GMEB1: variants seen among roughly 807,000 people sequenced by gnomAD.
The protein encoded by GMEB1 is glucocorticoid modulatory element binding protein 1, also known as glucocorticoid modulatory element-binding protein 1.
A neutral mutation model predicts 52.4 loss-of-function variants in GMEB1; 6 were observed. That is an observed-to-expected ratio of 0.11 (90% confidence interval 0.06 to 0.23). The LOEUF (loss-of-function observed/expected upper bound fraction) is 0.23. Ranked by LOEUF, GMEB1 falls within the 10% of genes least tolerant of loss-of-function variation. The pLI is 1.00. For synonymous variants in GMEB1, 255 were observed against 244.9 expected, an observed-to-expected ratio of 1.04 and a Z score of -0.38; for missense variants, 486 against 685.6, an observed-to-expected ratio of 0.71 and a Z score of 3.25.
chr1:28,714,717 A>G lies in GMEB1; in HGVS notation c.1636A>G (p.Met546Val). 2.5e-6 allele frequency: 4 copies of G among 1,614,180 alleles called. No individual in the cohort carries two copies. The highest frequency in any genetic ancestry group is 3.4e-6 in the Non-Finnish European group (4 of 1,180,016). The change falls in exon 10 of 10, where the codon ATG (methionine) becomes GTG (valine). Residue 546 changes from methionine (M) to valine (V), a missense_variant. Met to Val is a conservative substitution (Grantham distance 21). Coordinates refer to ENST00000373816, the MANE Select transcript of GMEB1 (RefSeq NM_001319674.2). ...GACTGAGGAGAAAGTTGTGGCTGAG[A>G]TGGAAGAACACCAGCATCAAGTTCA... The part of the protein sequence containing the change: ...LRTEEKVVAE[M>V]EEHQHQVHNV...
intron 1 of GMEB1, among the ~76,000 whole-genome samples, chr1:28,680,230 A>G (rs975748404): frequency 6.6e-6 from 1 of 152,164 alleles, no homozygotes; most frequent in Non-Finnish European, 1.5e-5. Flanking sequence ...TTAAATAAAT[A>G]CATATAAAAA....
intron 2 of GMEB1, among the ~76,000 whole-genome samples, chr1:28,684,336 C>T (rs1669531072): frequency 1.3e-5 from 2 of 151,792 alleles, no homozygotes; most frequent in East Asian, 1.9e-4. Flanking sequence ...GGCCGAGGCG[C>T]GTGGATCATG....
chr1:28,678,119 G>A (rs1669236297), intron 1 of GMEB1, among the ~76,000 whole-genome samples: 1 of 151,640 alleles, frequency 6.6e-6, no homozygotes, highest in South Asian at 2.1e-4. Flanking sequence ...GAGAGGTGGA[G>A]GTTGCAGTGA....
At chr1:28,694,567 A>G (rs1670111845) in intron 5 of GMEB1, among the ~76,000 whole-genome samples, 1 of 151,522 alleles carries the variant, frequency 6.6e-6, no homozygotes, top group African/African-American at 2.4e-5. Context: ...GTGCATTGGC[A>G]TGATCAGCCT....
rs1305107849 is a variant in GMEB1, at chr1:28,718,865, A to C, written c.*4092A>C. 6.6e-6 allele frequency: 1 copy of C among 152,128 alleles called. No homozygotes were observed. Among genetic ancestry groups the C allele is most frequent in the African/African-American group, 2.4e-5 (1 of 41,436 alleles). The allele number at this position is 152,128 out of a possible 1,614,324, so 9.4% of individuals were successfully genotyped here. ...TAGCGGTGTAGAGGTGGGGTCAGCA[A>C]ATAAGGGAGATCTTCCTGGAGAAGG... On this transcript the variant is annotated 3_prime_UTR_variant, in exon 10 of 10. Coordinates refer to ENST00000373816, the MANE Select transcript of GMEB1 (RefSeq NM_001319674.2).
intron 3 of GMEB1, 88 bp downstream of exon 3, chr1:28,690,274 A>G (rs1221691535): frequency 3.2e-6 from 2 of 621,622 alleles, no homozygotes; most frequent in African/African-American, 2.3e-5. Flanking sequence ...TTTTCTTGCC[A>G]TCTGTGCCTT....
chr1:28,709,951 A>C lies in GMEB1; in HGVS notation c.869-569A>C, dbSNP rs377604142. Among the ~76,000 whole-genome samples the C allele has an allele frequency of 3.3e-5, 5 of 152,146 alleles. No homozygotes were observed. In the East Asian group the frequency reaches 9.7e-4, roughly 29 times the overall value. On this transcript the variant is annotated intron_variant, in intron 8 of 9. Coordinates refer to ENST00000373816, the MANE Select transcript of GMEB1 (RefSeq NM_001319674.2). ...ATCAAAAGGTCAGGAGTTCGAGACC[A>C]GCCTGGCCAATGTGGTGAAACCCCA...
intron 1 of GMEB1, among the ~76,000 whole-genome samples, chr1:28,672,756 GTTT>G (rs1668955452): frequency 1.5e-5 from 1 of 67,858 alleles, no homozygotes; most frequent in African/African-American, 5.2e-5. Context: ...TTTTTTTTTT[GTTT>G]TGACGGAGTC....
chr1:28,677,570 G>A (rs907390185), intron 1 of GMEB1, among the ~76,000 whole-genome samples: 2 of 152,204 alleles, frequency 1.3e-5, no homozygotes, highest in African/African-American at 4.8e-5. Flanking sequence ...ACTTGCCAAA[G>A]TATTACATCT....
At chr1:28,696,193 A>G (rs1010636615) in intron 5 of GMEB1, among the ~76,000 whole-genome samples, 1 of 151,596 alleles carries the variant, frequency 6.6e-6, no homozygotes. Context: ...CATCCTCCCA[A>G]TTAGCTGGGA....
chr1:28,695,811 C>T lies in GMEB1; in HGVS notation c.441-1116C>T, dbSNP rs1182065974. On this transcript the variant is annotated intron_variant, in intron 5 of 9. Coordinates refer to ENST00000373816, the MANE Select transcript of GMEB1 (RefSeq NM_001319674.2). The stretch of plus-strand genomic sequence containing the variant: ...AAAATTAGCCGGGCGTAGTGGCGGG[C>T]GCCTGTAGTCCCAGCTACTTGGGAG... Among the ~76,000 whole-genome samples, 32 of 142,662 alleles carry T rather than the reference C, an allele frequency of 2.2e-4. No homozygotes were observed. In the South Asian group the frequency reaches 6.8e-3, roughly 30 times the overall value. The allele number at this position is 142,662 out of a possible 152,430, so 93.6% of individuals were successfully genotyped here.
chr1:28,691,758 A>C, intron 4 of GMEB1, 49 bp downstream of exon 4: 1 of 1,168,682 alleles, frequency 8.6e-7, no homozygotes, highest in Non-Finnish European at 1.2e-6. Context: ...CCTTGTTCTC[A>C]AAGGGTGTGA....
intron 1 of GMEB1, among the ~76,000 whole-genome samples, chr1:28,680,485 C>G (rs972019187): frequency 3.9e-5 from 6 of 151,932 alleles, no homozygotes; most frequent in Admixed American, 6.6e-5. Flanking sequence ...ACCTATAATC[C>G]TAGCACTTTG....
chr1:28,717,501 C>CT lies in GMEB1; in HGVS notation c.*2730dup, dbSNP rs1175234443. The stretch of plus-strand genomic sequence containing the variant: ...CACCGCACCCAGCCTGAAGGTGACT[C>CT]TTAAGAATGAGATTTATGAACTCCA... On this transcript the variant is annotated 3_prime_UTR_variant, in exon 10 of 10. Transcript: ENST00000373816. The CT allele has an allele frequency of 1.3e-5, 2 of 152,104 alleles. No individual in the cohort carries two copies. Among genetic ancestry groups the CT allele is most frequent in the Non-Finnish European group, 2.9e-5 (2 of 68,004 alleles). 9.4% of individuals were successfully genotyped at this position (152,104 alleles called of 1,614,324 possible). A position where few individuals can be genotyped will look rare whatever the true frequency, so the allele number is the denominator to read the frequency against.
rs529407736 is a variant in GMEB1 at position 28,701,803 on chromosome 1, G to T, written c.599-635G>T. ...TCAGACTCCTGGACTCAAGCAATCT[G>T]CCCACCTTAGCCTCCCAAAGTGCTA... On this transcript the variant is annotated intron_variant, in intron 6 of 9. Coordinates refer to ENST00000373816, the MANE Select transcript of GMEB1 (RefSeq NM_001319674.2). Among the ~76,000 whole-genome samples the T allele has an allele frequency of 8.5e-5, 13 of 152,152 alleles. No homozygotes were observed. In the East Asian group the frequency reaches 2.5e-3, roughly 29 times the overall value.
At chr1:28,691,220 C>T (rs1401965838) in intron 3 of GMEB1, among the ~76,000 whole-genome samples, 5 of 151,966 alleles carry the variant, frequency 3.3e-5, no homozygotes, top group Admixed American at 3.3e-4. Context: ...ATTGCTTGAA[C>T]CCAGGAGGCA....
Position 28,714,570 on chromosome 1 carries a change from G to A in GMEB1, c.1489G>A (p.Ala497Thr), listed in dbSNP as rs1671207070. Reference sequence around the variant, plus strand: ...GGCCATGGAGTCCGGCCTAACCTCGGCAATTCAGGCTGTTGAAAGCACCTC... The same window carrying A: ...GGCCATGGAGTCCGGCCTAACCTCGACAATTCAGGCTGTTGAAAGCACCTC... Reference protein sequence around the residue: ...LVAMESGLTSAIQAVESTSED... With the variant: ...LVAMESGLTSTIQAVESTSED... The change falls in exon 10 of 10, where the codon GCA (alanine) becomes ACA (threonine). Residue 497 changes from alanine (A) to threonine (T), a missense_variant. Physicochemically the swap from Ala to Thr is moderately conservative, Grantham distance 58. Transcript: ENST00000373816. 6.2e-7 allele frequency: 1 copy of A among 1,614,122 alleles called. No homozygotes were observed. Among genetic ancestry groups the A allele is most frequent in the Admixed American group, 1.7e-5 (1 of 59,998 alleles).
At chr1:28,696,804 A>G (rs1670228958) in intron 5 of GMEB1, 123 bp from the exon 6 acceptor site, 2 of 664,454 alleles carry the variant, frequency 3.0e-6, no homozygotes, top group Non-Finnish European at 2.4e-6. Flanking sequence ...GACTTCTAAC[A>G]CTATTAGGTT....
chr1:28,674,881 G>C (rs1219044034), intron 1 of GMEB1, among the ~76,000 whole-genome samples: 6 of 144,088 alleles, frequency 4.2e-5, no homozygotes, highest in Admixed American at 2.8e-4. Flanking sequence ...ACTACGCCCG[G>C]CTAATTTTTT....
Sources: allele counts gnomAD v4.1 joint callset (sites outside exome capture counted in the v4.1 genomes callset), GRCh38; gene constraint gnomAD v4.1.1; transcripts MANE v1.5; gene names NCBI Gene and HGNC (gene_info 2026-07-23, HGNC 2026-07-21).